The following HSD17B4 variants were observed in gnomAD, a reference collection of about 807,000 sequenced individuals.
HSD17B4 encodes the protein peroxisomal multifunctional enzyme type 2.
In HSD17B4, 70 loss-of-function variants were observed where a neutral mutation model predicts 101.0. The ratio of observed to expected loss-of-function variants is 0.69; its 90% CI spans 0.57 to 0.85. The LOEUF (loss-of-function observed/expected upper bound fraction) is 0.85. HSD17B4 is among the 40% of genes least tolerant of loss of function. HSD17B4 has a pLI of 0.00. For synonymous variants in HSD17B4, 347 were observed against 297.1 expected, an observed-to-expected ratio of 1.17 and a Z score of -1.73; for missense variants, 984 against 892.4, an observed-to-expected ratio of 1.10 and a Z score of -1.31.
intron 8 of HSD17B4, among the ~76,000 whole-genome samples, chr5:119,481,046 G>A (rs894982695): frequency 6.6e-6 from 1 of 152,098 alleles, no homozygotes; most frequent in African/African-American, 2.4e-5. Context: ...CACACATGCT[G>A]TACAATTGGT....
chr5:119,463,779 C>G (rs990950598), intron 2 of HSD17B4, among the ~76,000 whole-genome samples: 2 of 146,870 alleles, frequency 1.4e-5, no homozygotes, highest in Non-Finnish European at 3.0e-5. Context: ...AGCGATTCTC[C>G]TGCTTCAGCC....
intron 9 of HSD17B4, 49 bp downstream of exon 9, chr5:119,489,332 C>A: frequency 2.5e-6 from 3 of 1,204,262 alleles, no homozygotes; most frequent in Non-Finnish European, 3.7e-6. Flanking sequence ...CAGTTGCTTA[C>A]ATTTGTAAAA....
chr5:119,493,198 G>A lies in HSD17B4; in HGVS notation c.740-620G>A, dbSNP rs369103018. ...CTATTATGTTTAAATAAGGTTATTA[G>A]TAGTTGTTTATACCTCTGGTTTTTA... On this transcript the variant is annotated intron_variant, in intron 10 of 23. Coordinates refer to ENST00000510025, the MANE Select transcript of HSD17B4 (RefSeq NM_000414.4). The A allele has an allele frequency of 2.0e-5, 3 of 152,896 alleles. No homozygotes were observed. The East Asian group carries it at 5.8e-4, about 29-fold the overall frequency. 9.5% of individuals were successfully genotyped at this position (152,896 alleles called of 1,614,324 possible).
intron 12 of HSD17B4, among the ~76,000 whole-genome samples, chr5:119,496,932 A>G (rs1488756106): frequency 2.6e-5 from 4 of 152,170 alleles, no homozygotes; most frequent in Admixed American, 2.6e-4. Flanking sequence ...GAATTCTAAC[A>G]CTGTCCAGAG....
chr5:119,494,329 C>CT (rs1554064687), intron 11 of HSD17B4, among the ~76,000 whole-genome samples: 59 of 75,284 alleles, frequency 7.8e-4, no homozygotes, highest in Admixed American at 1.5e-3. Context: ...TCTTTCTTTT[C>CT]TTTCTTTCTT....
Position 119,541,961 on chromosome 5 carries a change from TC to T in HSD17B4, c.2179del (p.Gln727ArgfsTer2). ...RGNIMLSQKL[Q>X]MILKDYAKL ...GGAACATCATGCTGAGCCAGAAACT[TC>T]AGATGATTCTTAAAGACTACGCCAA... On this transcript the variant is annotated frameshift_variant, in exon 24 of 24. Coordinates refer to ENST00000510025, the MANE Select transcript of HSD17B4 (RefSeq NM_000414.4). LOFTEE classifies it high-confidence loss of function. 6.2e-7 allele frequency: 1 copy of T among 1,613,074 alleles called. No individual in the cohort carries two copies. The highest frequency in any genetic ancestry group is 8.5e-7 in the Non-Finnish European group (1 of 1,179,336).
intron 14 of HSD17B4, among the ~76,000 whole-genome samples, chr5:119,504,892 C>T (rs1316035904): frequency 6.6e-6 from 1 of 152,090 alleles, no homozygotes; most frequent in Non-Finnish European, 1.5e-5. Flanking sequence ...GGTCTTACAT[C>T]TAAATATTTA....
chr5:119,474,612 C>A, intron 4 of HSD17B4, 152 bp downstream of exon 4: 1 of 673,858 alleles, frequency 1.5e-6, no homozygotes, highest in South Asian at 1.7e-5. Flanking sequence ...GTACTTATTT[C>A]ATAAAGGGTT....
chr5:119,462,248 AT>A (rs10524491), intron 2 of HSD17B4, among the ~76,000 whole-genome samples: 515 of 29,736 alleles, frequency 0.017, no homozygotes, highest in Middle Eastern at 0.045. Context: ...AACAAATGTG[AT>A]TTTTTTTTTT....
Position 119,542,236 on chromosome 5 carries a change from A to G in HSD17B4, c.*242A>G, listed in dbSNP as rs894012109. ...TCTGTTCTTAGATCTGTATCTTCAT[A>G]ATAAAAAATTTTGCCCAAGTCCTGT... On this transcript the variant is annotated 3_prime_UTR_variant, in exon 24 of 24. Coordinates refer to ENST00000510025, the MANE Select transcript of HSD17B4 (RefSeq NM_000414.4). 1.9e-5 allele frequency: 6 copies of G among 311,414 alleles called. No homozygotes were observed. The East Asian group carries it at 2.2e-4, about 12-fold the overall frequency. The allele number at this position is 311,414 out of a possible 1,614,324, so 19.3% of individuals were successfully genotyped here.
chr5:119,476,773 C>A (rs888943629), intron 6 of HSD17B4: 1 of 848,364 alleles, frequency 1.2e-6, no homozygotes, highest in South Asian at 5.4e-5. Flanking sequence ...TCCTGACTAC[C>A]CTTCTCCCTC....
chr5:119,501,656 A>G (rs2126788803), intron 13 of HSD17B4, among the ~76,000 whole-genome samples: 1 of 152,276 alleles, frequency 6.6e-6, no homozygotes, highest in South Asian at 2.1e-4. Flanking sequence ...TGAAATTACT[A>G]GCACTGGCGC....
intron 22 of HSD17B4, 135 bp from the exon 23 acceptor site, chr5:119,536,288 T>C (rs917894919): frequency 6.4e-6 from 5 of 783,836 alleles, no homozygotes; most frequent in Non-Finnish European, 1.1e-5. Flanking sequence ...GTATAATTGA[T>C]AGATAGAATA....
At position 119,492,085 on chromosome 5, in the gene HSD17B4, C is replaced by T; in HGVS notation, c.715-15C>T. On this transcript the variant is annotated splice_polypyrimidine_tract_variant and intron_variant, in intron 9 of 23. Transcript: ENST00000510025. ...CACATTAGATGGTATAATGTTTTCC[C>T]CCTCTTTTTGGTAGGTTGGAGCAGG... 8 of 1,604,630 alleles carry T rather than the reference C, an allele frequency of 5.0e-6. No individual in the cohort carries two copies. The highest frequency in any genetic ancestry group is 6.8e-6 in the Non-Finnish European group (8 of 1,171,696).
At chr5:119,526,288 A>ATATATATGTATG (rs1339557676) in intron 19 of HSD17B4, among the ~76,000 whole-genome samples, 1 of 150,638 alleles carries the variant, frequency 6.6e-6, no homozygotes, top group Admixed American at 6.6e-5. Flanking sequence ...TATATTATAT[A>ATATATATGTATG]TATATATATC....
At chr5:119,504,298 G>C (rs747567745) in intron 14 of HSD17B4, among the ~76,000 whole-genome samples, 1 of 152,168 alleles carries the variant, frequency 6.6e-6, no homozygotes, top group African/African-American at 2.4e-5. Context: ...TATATATCCA[G>C]TAATGAGATT....
chr5:119,532,564 G>T (rs561396846), intron 22 of HSD17B4, among the ~76,000 whole-genome samples: 17 of 148,162 alleles, frequency 1.1e-4, no homozygotes, highest in Middle Eastern at 7.1e-3. Context: ...TTTAGTATGA[G>T]TGAAATATGT....
intron 2 of HSD17B4, chr5:119,456,874 C>T (rs1405047658): frequency 6.3e-6 from 1 of 157,884 alleles, no homozygotes; most frequent in South Asian, 1.8e-4. Flanking sequence ...AAAGAGAGCC[C>T]CTGTAAGTGT....
chr5:119,474,180 AC>A (rs762157399), intron 3 of HSD17B4, among the ~76,000 whole-genome samples, 165 bp downstream of exon 3: 4 of 152,138 alleles, frequency 2.6e-5, no homozygotes, highest in Non-Finnish European at 5.9e-5. Flanking sequence ...AATTGTTAAA[AC>A]TTTTGATGTA....
Sources: allele counts gnomAD v4.1 joint callset (sites outside exome capture counted in the v4.1 genomes callset), GRCh38; gene constraint gnomAD v4.1.1; transcripts MANE v1.5; gene names NCBI Gene and HGNC (gene_info 2026-07-23, HGNC 2026-07-21).